Variants in CHM observed in about 807,000 individuals in gnomAD.
CHM encodes the protein CHM Rab escort protein.
Under a neutral mutation model 49.0 loss-of-function variants are expected in CHM, and 10 were observed. The ratio of observed to expected loss-of-function variants is 0.20; its 90% CI spans 0.13 to 0.35. CHM has a LOEUF of 0.35. CHM is among the 10% of genes least tolerant of loss of function. The probability of loss-of-function intolerance (pLI) is 1.00; values close to 1 mark genes in which losing one functional copy is unlikely to be tolerated. For synonymous variants in CHM, 184 were observed against 167.5 expected (o/e 1.10, Z -0.76); for missense variants, 455 against 478.4 (o/e 0.95, Z 0.46).
At chrX:85,950,609 C>T (rs187789527) in intron 8 of CHM, among the ~76,000 whole-genome samples, 1,398 of 102,506 alleles carry the variant, frequency 0.014, 18 homozygotes, top group African/African-American at 0.056. Flanking sequence ...TCCAAAAAGG[C>T]GAGAAGAGAA....
At chrX:85,977,845 T>C (rs1233389875) in intron 4 of CHM, among the ~76,000 whole-genome samples, 2 of 101,821 alleles carry the variant, frequency 2.0e-5, no homozygotes, top group African/African-American at 6.7e-5. Context: ...CAGTATATTA[T>C]GGGGAAAGAA....
At chrX:86,043,423 T>G (rs760878889) in intron 1 of CHM, among the ~76,000 whole-genome samples, 51 of 108,955 alleles carry the variant, frequency 4.7e-4, no homozygotes, top group Non-Finnish European at 8.4e-4. Flanking sequence ...TTTTTTTTTT[T>G]GAGATAGGGT....
At chrX:85,911,190 T>TATATATATGAATATATATATATGA (rs1556277334) in intron 9 of CHM, 71 bp downstream of exon 9, 1 of 62,801 alleles carries the variant, frequency 1.6e-5, no homozygotes, top group African/African-American at 1.7e-4. Flanking sequence ...TATATATGAA[T>TATATATATGAATATATATATATGA]ATATATATAT....
At chrX:86,006,706 T>C (rs1244138947) in intron 2 of CHM, among the ~76,000 whole-genome samples, 1 of 111,553 alleles carries the variant, frequency 9.0e-6, no homozygotes, top group Non-Finnish European at 1.9e-5. Flanking sequence ...TTACAAGGGA[T>C]GTGAAAGACC....
Position 85,956,310 on chromosome X carries a change from C to T in CHM, c.1009G>A (p.Val337Ile), listed in dbSNP as rs1930004739. Reference protein sequence around the residue: ...QKLTPNLQYIVMHSIAMTSET... With the variant: ...QKLTPNLQYIIMHSIAMTSET... ...GATGTCATTGCAATTGAATGCATGA[C>T]AATATATTGGAGGTTGGGGGTTAAT... The change falls in exon 8 of 15, where the codon GTC becomes ATC. Residue 337 changes from valine to isoleucine, a missense_variant. Physicochemically the swap from Val to Ile is conservative, Grantham distance 29. Coordinates refer to ENST00000357749, the MANE Select transcript of CHM (RefSeq NM_000390.4). The T allele has an allele frequency of 8.3e-7, 1 of 1,209,566 alleles. No individual in the cohort carries two copies. Among genetic ancestry groups the T allele is most frequent in the Non-Finnish European group, 1.1e-6 (1 of 895,084 alleles).
chrX:86,014,758 G>A (rs1933220644), intron 2 of CHM, among the ~76,000 whole-genome samples: 1 of 112,004 alleles, frequency 8.9e-6, no homozygotes, highest in South Asian at 3.7e-4. Context: ...GGCCAAGGCG[G>A]GCGGATCACA....
At chrX:85,928,212 A>G (rs1256139914) in intron 8 of CHM, among the ~76,000 whole-genome samples, 1 of 112,344 alleles carries the variant, frequency 8.9e-6, no homozygotes, top group Non-Finnish European at 1.9e-5. Context: ...AAAACATAAG[A>G]ACTATTATAT....
chrX:86,042,382 G>T (rs1934499324), intron 1 of CHM, among the ~76,000 whole-genome samples: 3 of 111,346 alleles, frequency 2.7e-5, no homozygotes, highest in Admixed American at 9.6e-5. Context: ...TCTGCAGGCT[G>T]TACAAGCATG....
chrX:85,967,374 T>C (rs1175854380), intron 4 of CHM, among the ~76,000 whole-genome samples: 2 of 112,273 alleles, frequency 1.8e-5, no homozygotes, highest in Non-Finnish European at 1.9e-5. Flanking sequence ...AAAAACACAT[T>C]TACCAATTAC....
chrX:86,038,233 G>A (rs1415282490), intron 1 of CHM, among the ~76,000 whole-genome samples: 1 of 111,577 alleles, frequency 9.0e-6, no homozygotes, highest in Non-Finnish European at 1.9e-5. Flanking sequence ...ACAACCAAAG[G>A]ACAGGCAGAA....
intron 11 of CHM, among the ~76,000 whole-genome samples, chrX:85,900,129 G>GT (rs955090836): frequency 9.0e-6 from 1 of 111,630 alleles, no homozygotes; most frequent in Non-Finnish European, 1.9e-5. Flanking sequence ...GGAAGAATGG[G>GT]TTTTTTAAAA....
intron 14 of CHM, among the ~76,000 whole-genome samples, chrX:85,867,388 T>C (rs770657924): frequency 1.8e-5 from 2 of 112,144 alleles, no homozygotes; most frequent in South Asian, 3.8e-4. Flanking sequence ...TGTCAGTCAA[T>C]TAAACCTCTT....
At chrX:86,005,954 C>A (rs1932843147) in intron 2 of CHM, among the ~76,000 whole-genome samples, 1 of 111,456 alleles carries the variant, frequency 9.0e-6, no homozygotes. Context: ...GGCAGAGACA[C>A]AACAAGAAAA....
chrX:86,004,858 A>G (rs1452727302), intron 2 of CHM, among the ~76,000 whole-genome samples: 1 of 111,817 alleles, frequency 8.9e-6, no homozygotes, highest in South Asian at 3.8e-4. Flanking sequence ...GATCAACGAG[A>G]CAGAAGGTTA....
chrX:85,925,263 C>T (rs1010142361), intron 8 of CHM, among the ~76,000 whole-genome samples: 4 of 111,149 alleles, frequency 3.6e-5, no homozygotes, highest in African/African-American at 6.5e-5. Flanking sequence ...CCAGAACCAC[C>T]GAACCAACTC....
At chrX:85,959,580 G>C (rs746230948) in intron 5 of CHM, among the ~76,000 whole-genome samples, 1 of 111,497 alleles carries the variant, frequency 9.0e-6, no homozygotes, top group South Asian at 3.7e-4. Flanking sequence ...AATTCTAGAA[G>C]TCTGGGTTTA....
intron 12 of CHM, among the ~76,000 whole-genome samples, chrX:85,888,881 A>C (rs1925264643): frequency 8.9e-6 from 1 of 112,249 alleles, no homozygotes; most frequent in South Asian, 3.7e-4. Context: ...AGACATGCAA[A>C]ACCATTTTTG....
In CHM at chrX:85,956,316, A is replaced by G; in HGVS notation, c.1003T>C (p.Tyr335His). The G allele has an allele frequency of 8.3e-7, 1 of 1,211,614 alleles. No individual in the cohort carries two copies. The highest frequency in any genetic ancestry group is 1.8e-5 in the South Asian group (1 of 56,996). Reference sequence around the variant, plus strand: ...ATTGCAATTGAATGCATGACAATATATTGGAGGTTGGGGGTTAATTTTTGA... The same window carrying G: ...ATTGCAATTGAATGCATGACAATATGTTGGAGGTTGGGGGTTAATTTTTGA... ...KTQKLTPNLQ[Y>H]IVMHSIAMTS... The change falls in exon 8 of 15, where the codon TAT becomes CAT. Residue 335 changes from tyrosine (Y) to histidine (H), a missense_variant. Transcript: ENST00000357749.
intron 9 of CHM, among the ~76,000 whole-genome samples, chrX:85,906,272 G>A (rs2065887679): frequency 8.9e-6 from 1 of 111,836 alleles, no homozygotes; most frequent in Non-Finnish European, 1.9e-5. Context: ...ATTTAATCTT[G>A]TTACCTCTGA....
Sources: gnomAD v4.1 joint callset for allele counts (sites outside exome capture counted in the v4.1 genomes callset) on GRCh38, gnomAD v4.1.1 for gene constraint, MANE v1.5 for transcripts, NCBI Gene and HGNC (gene_info 2026-07-23, HGNC 2026-07-21) for gene names.